CPSF2: variants seen among roughly 807,000 people sequenced by gnomAD.
CPSF2 encodes the protein cleavage and polyadenylation specificity factor subunit 2.
In CPSF2, 51 loss-of-function variants were observed where a neutral mutation model predicts 84.2. The observed-to-expected ratio is 0.61, with a 90% CI of 0.48 to 0.77. The LOEUF is 0.77. Among genes scored for constraint, CPSF2 ranks in the 30% least tolerant of loss-of-function variants. The pLI, the probability that CPSF2 is intolerant of heterozygous loss-of-function variation, is 0.00. For missense variants in CPSF2, 641 were observed against 929.4 expected (o/e 0.69, Z 4.03); for synonymous variants, 286 against 311.9 (o/e 0.92, Z 0.87).
chr14:92,126,394 G>C (rs2068845699), intron 2 of CPSF2, among the ~76,000 whole-genome samples: 1 of 152,150 alleles, frequency 6.6e-6, no homozygotes, highest in Admixed American at 6.6e-5. Context: ...TTTCCCTTAG[G>C]CCATTAATAT....
chr14:92,131,184 C>T, intron 3 of CPSF2, 51 bp downstream of exon 3: 2 of 1,449,584 alleles, frequency 1.4e-6, no homozygotes, highest in Non-Finnish European at 1.9e-6. Flanking sequence ...CTTCTCTTTT[C>T]TGTACTGTAA....
chr14:92,150,354 T>G (rs2069198352), intron 9 of CPSF2, among the ~76,000 whole-genome samples: 1 of 151,910 alleles, frequency 6.6e-6, no homozygotes, highest in African/African-American at 2.4e-5. Flanking sequence ...ACTCCTGACC[T>G]CAGGCGATCC....
intron 1 of CPSF2, among the ~76,000 whole-genome samples, chr14:92,124,224 A>C (rs895169493): frequency 2.0e-5 from 3 of 152,216 alleles, no homozygotes; most frequent in African/African-American, 7.2e-5. Flanking sequence ...GATTTTTTTC[A>C]GTAGTTACCA....
intron 2 of CPSF2, among the ~76,000 whole-genome samples, chr14:92,126,928 G>A (rs1441472360): frequency 6.6e-6 from 1 of 152,154 alleles, no homozygotes; most frequent in Non-Finnish European, 1.5e-5. Flanking sequence ...GCCAACTCCT[G>A]TACTCAGAGA....
At position 92,161,000 on chromosome 14, in the gene CPSF2, A is replaced by C. The variant is rs1001660272; in HGVS notation, c.2122-112A>C. On this transcript the variant is annotated intron_variant, in intron 14 of 15. Coordinates refer to ENST00000298875, the MANE Select transcript of CPSF2 (RefSeq NM_017437.3). ...TTGAAATGATCTGTCAAAGGACTTC[A>C]GGGAATAATAGAAAATCTCTTAGAG... 10 of 1,022,510 alleles carry C rather than the reference A, an allele frequency of 9.8e-6. No homozygotes were observed. In the African/African-American group the frequency reaches 1.5e-4, roughly 16 times the overall value. 63.3% of individuals were successfully genotyped at this position (1,022,510 alleles called of 1,614,324 possible).
chr14:92,160,065 C>T (rs545762954), intron 14 of CPSF2, among the ~76,000 whole-genome samples: 13 of 152,034 alleles, frequency 8.6e-5, no homozygotes, highest in Non-Finnish European at 1.6e-4. Flanking sequence ...CGGGTTCAAG[C>T]GATTCTCCTG....
chr14:92,160,194 C>T (rs61976589), intron 14 of CPSF2, among the ~76,000 whole-genome samples: 30,612 of 152,108 alleles, frequency 0.2, 3,327 homozygotes, highest in East Asian at 0.3. Context: ...AACTCCTGAC[C>T]TCAGGTGATC....
Position 92,168,241 on chromosome 14 carries a change from CTG to C in CPSF2, c.*6499_*6500del, listed in dbSNP as rs1465234828. 3 of 86,586 alleles carry C rather than the reference CTG, an allele frequency of 3.5e-5. No individual in the cohort carries two copies. 5.4% of individuals were successfully genotyped at this position (86,586 alleles called of 1,614,324 possible). A position where few individuals can be genotyped will look rare whatever the true frequency, so the allele number is the denominator to read the frequency against. ...CCATCTTGGGCGACAGAGCGCAACT[CTG>C]TCTCCAAAAAAAAAAAAAAAAAAGG... On this transcript the variant is annotated 3_prime_UTR_variant, in exon 16 of 16. Transcript: ENST00000298875.
chr14:92,136,027 G>A (rs954042256), intron 6 of CPSF2, among the ~76,000 whole-genome samples: 2 of 152,138 alleles, frequency 1.3e-5, no homozygotes, highest in African/African-American at 4.8e-5. Flanking sequence ...GAGTTGCCTT[G>A]CACATAATGT....
chr14:92,157,697 A>G lies in CPSF2; in HGVS notation c.1634A>G (p.Asp545Gly). Residue 545 changes from aspartate to glycine, a missense_variant, in exon 13 of 16, where the codon GAT (aspartate) becomes GGT (glycine). By Grantham distance (94) the Asp-to-Gly change is moderately conservative. Transcript: ENST00000298875. The surrounding 1 kb of genome is among the most constrained non-coding windows in gnomAD (Gnocchi z 4.0). Reference sequence around the variant, plus strand: ...TACATAGACTATGAAGGACGCTCTGATGGGGATTCCATTAAAAAAATCATT... The same window carrying G: ...TACATAGACTATGAAGGACGCTCTGGTGGGGATTCCATTAAAAAAATCATT... ...VTYIDYEGRSDGDSIKKIINQ... is the reference protein window; with the variant it reads ...VTYIDYEGRSGGDSIKKIINQ... 1 of 1,614,056 alleles carries G rather than the reference A, an allele frequency of 6.2e-7. No individual in the cohort carries two copies. Among genetic ancestry groups the G allele is most frequent in the Non-Finnish European group, 8.5e-7 (1 of 1,179,970 alleles).
Position 92,170,526 on chromosome 14 carries a change from C to G in CPSF2, c.*8782C>G, listed in dbSNP as rs1479890293. ...ATGTTGCCATTTACTCCAAAAATAT[C>G]CTTACAATAACCCTTTCCTTTTTTG... On this transcript the variant is annotated 3_prime_UTR_variant, in exon 16 of 16. Coordinates refer to ENST00000298875, the MANE Select transcript of CPSF2 (RefSeq NM_017437.3). 1 of 152,222 alleles carries G rather than the reference C, an allele frequency of 6.6e-6. No homozygotes were observed. The highest frequency in any genetic ancestry group is 2.4e-5 in the African/African-American group (1 of 41,462). 9.4% of individuals were successfully genotyped at this position (152,222 alleles called of 1,614,324 possible).
intron 9 of CPSF2, 136 bp downstream of exon 9, chr14:92,143,430 G>A (rs1475906365): frequency 4.4e-6 from 3 of 683,868 alleles, no homozygotes; most frequent in Non-Finnish European, 7.2e-6. Flanking sequence ...AGAGCCAGGA[G>A]TGGTGGTGTG....
At chr14:92,152,525 G>A (rs900170145) in intron 9 of CPSF2, among the ~76,000 whole-genome samples, 7 of 151,810 alleles carry the variant, frequency 4.6e-5, no homozygotes, top group African/African-American at 7.3e-5. Context: ...TGCAGTTTCC[G>A]CCTCCCAGGT....
Position 92,134,249 on chromosome 14 carries a change from G to C in CPSF2, c.310-1G>C. The C allele has an allele frequency of 6.2e-7, 1 of 1,612,662 alleles. No individual in the cohort carries two copies. The highest frequency in any genetic ancestry group is 8.5e-7 in the Non-Finnish European group (1 of 1,178,906). On this transcript the variant is annotated splice_acceptor_variant, in intron 4 of 15. Transcript: ENST00000298875. LOFTEE classifies it high-confidence loss of function. ...CACCTTTATTTGTGTTATTCTTTTAGTCTCGACACAATACAGAAGATTTTA... is the reference window on the plus strand; with the variant it reads ...CACCTTTATTTGTGTTATTCTTTTACTCTCGACACAATACAGAAGATTTTA...
intron 10 of CPSF2, 52 bp downstream of exon 10, chr14:92,154,510 T>C (rs1266154686): frequency 8.0e-7 from 1 of 1,253,188 alleles, no homozygotes; most frequent in African/African-American, 1.5e-5. Context: ...TTGAGAAGAA[T>C]GTGTCCTTGA....
At position 92,168,174 on chromosome 14, in the gene CPSF2, G is replaced by C. The variant is rs1226479552; in HGVS notation, c.*6430G>C. 1.4e-5 allele frequency: 2 copies of C among 148,028 alleles called. No homozygotes were observed. The highest frequency in any genetic ancestry group is 3.0e-5 in the Non-Finnish European group (2 of 67,630). The allele number at this position is 148,028 out of a possible 1,614,324, so 9.2% of individuals were successfully genotyped here. On this transcript the variant is annotated 3_prime_UTR_variant, in exon 16 of 16. Transcript: ENST00000298875. ...GAGGCAGTAGAATCGCTTGAACCCG[G>C]GATGCGGAAGTTGCAGTGAGCCAAG...
intron 9 of CPSF2, among the ~76,000 whole-genome samples, chr14:92,147,741 C>G (rs1407705304): frequency 6.6e-6 from 1 of 152,048 alleles, no homozygotes; most frequent in African/African-American, 2.4e-5. Context: ...TTTTTTGAGA[C>G]AGGGTCATGT....
rs544176521 is a variant in CPSF2, at chr14:92,162,867, A to G, written c.*1123A>G. On this transcript the variant is annotated 3_prime_UTR_variant, in exon 16 of 16. Coordinates refer to ENST00000298875, the MANE Select transcript of CPSF2 (RefSeq NM_017437.3). Reference sequence around the variant, plus strand: ...TGTAATCCATTAATGCTTTTTTAGAATGGCAGACCTTGATGTTTATTTCTC... The same window carrying G: ...TGTAATCCATTAATGCTTTTTTAGAGTGGCAGACCTTGATGTTTATTTCTC... 1 of 152,250 alleles carries G rather than the reference A, an allele frequency of 6.6e-6. No individual in the cohort carries two copies. The highest frequency in any genetic ancestry group is 6.5e-5 in the Admixed American group (1 of 15,274). The allele number at this position is 152,250 out of a possible 1,614,324, so 9.4% of individuals were successfully genotyped here. A position where few individuals can be genotyped will look rare whatever the true frequency, so the allele number is the denominator to read the frequency against.
At chr14:92,138,096 T>A (rs375343185) in intron 6 of CPSF2, 136 bp from the exon 7 acceptor site, 6 of 437,312 alleles carry the variant, frequency 1.4e-5, no homozygotes, top group African/African-American at 1.2e-4. Context: ...GGATTTCTTA[T>A]CAATGAGCAT....
Sources: gnomAD v4.1 joint callset for allele counts (sites outside exome capture counted in the v4.1 genomes callset) on GRCh38, gnomAD v4.1.1 for gene constraint, Gnocchi (gnomAD v3.1) non-coding constraint, MANE v1.5 for transcripts, NCBI Gene and HGNC (gene_info 2026-07-23, HGNC 2026-07-21) for gene names.